Variants in RCBTB1 observed in about 807,000 individuals in gnomAD.
The protein encoded by RCBTB1 is RCC1 and BTB domain-containing protein 1.
RCBTB1 carries 46 observed loss-of-function variants against 62.4 expected under a neutral mutation model. The ratio of observed to expected loss-of-function variants is 0.74; its 90% confidence interval spans 0.58 to 0.94. RCBTB1 has a LOEUF of 0.94. Among genes scored for constraint, RCBTB1 ranks in the 40% least tolerant of loss-of-function variants. RCBTB1 has a pLI of 0.00. For synonymous variants in RCBTB1, 222 were observed against 245.8 expected (o/e 0.90, Z 0.91); for missense variants, 565 against 654.9 (o/e 0.86, Z 1.50).
chr13:49,576,424 A>C (rs1174990393), intron 2 of RCBTB1, among the ~76,000 whole-genome samples: 1 of 152,176 alleles, frequency 6.6e-6, no homozygotes, highest in Non-Finnish European at 1.5e-5. Context: ...CATTTCTAAA[A>C]TTAAATATAG....
Position 49,551,434 on chromosome 13 carries a change from G to C in RCBTB1, c.746C>G (p.Thr249Arg), listed in dbSNP as rs1961330519. The change falls in exon 8 of 13, where the codon ACA becomes AGA. Residue 249 changes from threonine (T) to arginine (R), a missense_variant. Coordinates refer to ENST00000378302, the MANE Select transcript of RCBTB1 (RefSeq NM_018191.4). ...CCAGGCATACAGCAAGCCCTCATCT[G>C]TTAGTGCTAGAGTATGTGCGTAACC... ...VCGYAHTLAL[T>R]DEGLLYAWGA... 2 of 1,614,116 alleles carry C rather than the reference G, an allele frequency of 1.2e-6. No homozygotes were observed. The highest frequency in any genetic ancestry group is 3.3e-5 in the Admixed American group (2 of 60,004).
At chr13:49,574,511 T>C (rs1412038855) in intron 2 of RCBTB1, among the ~76,000 whole-genome samples, 4 of 152,204 alleles carry the variant, frequency 2.6e-5, no homozygotes, top group Admixed American at 6.6e-5. Flanking sequence ...AATTATGTTT[T>C]ACCCCTAGGC....
intron 2 of RCBTB1, among the ~76,000 whole-genome samples, chr13:49,569,776 G>A (rs567029507): frequency 2.6e-5 from 4 of 151,994 alleles, no homozygotes; most frequent in South Asian, 2.1e-4. Flanking sequence ...GCATGGTGGC[G>A]CATGCCTGCA....
chr13:49,560,042 A>C lies in RCBTB1; in HGVS notation c.320T>G (p.Leu107Arg), dbSNP rs762289480. ...YAWGHNGYSQLGNGTTNQGIA... is the reference protein window; with the variant it reads ...YAWGHNGYSQRGNGTTNQGIA... ...GCCTTGGTTGGTCGTCCCATTCCCA[A>C]GCTGGCTATATCCATTGTGGCCCCA... is the stretch of plus-strand genomic sequence containing the variant. Residue 107 changes from leucine (L) to arginine (R), a missense_variant, in exon 5 of 13, where the codon CTT becomes CGT. Physicochemically the swap from Leu to Arg is moderately radical, Grantham distance 102. Coordinates refer to ENST00000378302, the MANE Select transcript of RCBTB1 (RefSeq NM_018191.4). The C allele has an allele frequency of 1.7e-5, 28 of 1,614,176 alleles. No individual in the cohort carries two copies. The highest frequency in any genetic ancestry group is 2.4e-5 in the Non-Finnish European group (28 of 1,180,036).
At chr13:49,535,074 CT>C (rs1292655333) in intron 12 of RCBTB1, among the ~76,000 whole-genome samples, 4 of 152,140 alleles carry the variant, frequency 2.6e-5, no homozygotes, top group African/African-American at 9.7e-5. Context: ...CTTTTATGCT[CT>C]CCTAATAATG....
intron 12 of RCBTB1, among the ~76,000 whole-genome samples, chr13:49,539,782 G>T (rs1388756627): frequency 6.6e-6 from 1 of 152,166 alleles, no homozygotes; most frequent in Non-Finnish European, 1.5e-5. Flanking sequence ...TTGTCGGGCT[G>T]CAGACAAAGT....
chr13:49,558,098 T>A (rs1962097465), intron 5 of RCBTB1, among the ~76,000 whole-genome samples: 2 of 152,226 alleles, frequency 1.3e-5, no homozygotes, highest in South Asian at 2.1e-4. Context: ...CCAGGGCCAC[T>A]GTCTGTGGAG....
At position 49,553,051 on chromosome 13, in the gene RCBTB1, G is replaced by A. The variant is rs543200725; in HGVS notation, c.604-766C>T. On this transcript the variant is annotated intron_variant, in intron 6 of 12. Transcript: ENST00000378302. ...ACAAAAATTAGCTGGGCGTGGTGGC[G>A]CGTGCCTGTAACCCCAGCTACTCAG... 7.2e-5 allele frequency among the ~76,000 whole-genome samples: 11 copies of A among 152,148 alleles called. No homozygotes were observed. The South Asian group carries it at 1.2e-3, about 17-fold the overall frequency.
chr13:49,540,307 A>ATG (rs1960248579), intron 12 of RCBTB1, among the ~76,000 whole-genome samples: 2 of 152,204 alleles, frequency 1.3e-5, no homozygotes, highest in Admixed American at 1.3e-4. Flanking sequence ...ACAAACTTTC[A>ATG]GACTCCCCAA....
chr13:49,557,498 A>G (rs1594296758), intron 5 of RCBTB1, among the ~76,000 whole-genome samples: 1 of 152,174 alleles, frequency 6.6e-6, no homozygotes, highest in Non-Finnish European at 1.5e-5. Context: ...ATTTTTTCCA[A>G]ACTCATTACA....
chr13:49,549,441 GC>G lies in RCBTB1; in HGVS notation c.1045+16del. ...GTACCATTCTTCCTGGGTGGAGGTG[GC>G]CCTGCACTTTCTTACCCACAGACAG... On this transcript the variant is annotated intron_variant, in intron 9 of 12. Coordinates refer to ENST00000378302, the MANE Select transcript of RCBTB1 (RefSeq NM_018191.4). The G allele has an allele frequency of 6.3e-7, 1 of 1,595,904 alleles. No individual in the cohort carries two copies. The highest frequency in any genetic ancestry group is 1.1e-5 in the South Asian group (1 of 89,266).
chr13:49,552,055 G>C, intron 7 of RCBTB1, 123 bp downstream of exon 7: 1 of 706,592 alleles, frequency 1.4e-6, no homozygotes, highest in Non-Finnish European at 2.5e-6. Context: ...TATTAAATAT[G>C]GAAGATGAAG....
chr13:49,532,323 T>C lies in RCBTB1; in HGVS notation c.*1799A>G, dbSNP rs566457601. On this transcript the variant is annotated 3_prime_UTR_variant, in exon 13 of 13. Coordinates refer to ENST00000378302, the MANE Select transcript of RCBTB1 (RefSeq NM_018191.4). ...AGGAACTTGGTAAATATTTGTTGAA[T>C]GAATGAACTATCTATGGATATGAAT... 77 of 152,784 alleles carry C rather than the reference T, an allele frequency of 5.0e-4. No individual in the cohort carries two copies. The highest frequency in any genetic ancestry group is 1.8e-3 in the African/African-American group (74 of 41,586). The allele number at this position is 152,784 out of a possible 1,614,324, so 9.5% of individuals were successfully genotyped here.
At chr13:49,564,180 C>A (rs1049766067) in intron 4 of RCBTB1, among the ~76,000 whole-genome samples, 1 of 152,118 alleles carries the variant, frequency 6.6e-6, no homozygotes, top group East Asian at 1.9e-4. Context: ...AACCTGCATC[C>A]CCGGTTCTTT....
At position 49,579,635 on chromosome 13, in the gene RCBTB1, AAAAAG is replaced by A. The variant is rs1442061225; in HGVS notation, c.-42+865_-42+869del. On this transcript the variant is annotated intron_variant, in intron 2 of 12. Transcript: ENST00000378302. ...CGAGACTTGTCTCAGAAAAAAAAAAAAAAAGAATGAAAGGGAAAGGAAGAATGCCC... is the reference window on the plus strand; with the variant it reads ...CGAGACTTGTCTCAGAAAAAAAAAAAAATGAAAGGGAAAGGAAGAATGCCC... 2.6e-4 allele frequency among the ~76,000 whole-genome samples: 40 copies of A among 151,924 alleles called. 1 individual carries two copies. The highest frequency in any genetic ancestry group is 2.6e-3 in the Admixed American group (40 of 15,248).
chr13:49,559,921 T>C lies in RCBTB1; in HGVS notation c.441A>G (p.Gly147=), dbSNP rs758857044. The C allele has an allele frequency of 1.9e-6, 3 of 1,611,668 alleles. No homozygotes were observed. The highest frequency in any genetic ancestry group is 1.6e-4 in the Middle Eastern group (1 of 6,074). The change falls in exon 5 of 13, where the codon GGA becomes GGG. Residue 147 remains glycine (G), a synonymous_variant. Transcript: ENST00000378302. Reference sequence around the variant, plus strand: ...AGAATAAAAGCAGCATACTTACCTCTCCATCAGCTGCCAGAGCCATTGAAT... The same window carrying C: ...AGAATAAAAGCAGCATACTTACCTCCCCATCAGCTGCCAGAGCCATTGAAT... ...SHHSMALAAD[G]EVFAWGYNNC...
chr13:49,547,782 C>A (rs1245202668), intron 9 of RCBTB1, among the ~76,000 whole-genome samples: 2 of 152,238 alleles, frequency 1.3e-5, no homozygotes, highest in East Asian at 3.9e-4. Context: ...ACCTTAAAAA[C>A]CACAAGTTGT....
chr13:49,548,523 T>C (rs1416169743), intron 9 of RCBTB1, among the ~76,000 whole-genome samples: 1 of 151,738 alleles, frequency 6.6e-6, no homozygotes, highest in African/African-American at 2.4e-5. Context: ...ATGACAGCAC[T>C]ACCCACGAGA....
At chr13:49,534,298 T>G (rs1204683152) in intron 12 of RCBTB1, 36 bp from the exon 13 acceptor site, 2 of 1,598,114 alleles carry the variant, frequency 1.3e-6, no homozygotes, top group Non-Finnish European at 1.7e-6. Context: ...AAAAATGGCT[T>G]TTTTAGGCAA....
Sources: gnomAD v4.1 joint callset for allele counts (sites outside exome capture counted in the v4.1 genomes callset) on GRCh38, gnomAD v4.1.1 for gene constraint, MANE v1.5 for transcripts, NCBI Gene and HGNC (gene_info 2026-07-23, HGNC 2026-07-21) for gene names.